Variants in PCBP3 observed in about 807,000 individuals in gnomAD.
PCBP3 encodes the protein poly(rC) binding protein 3.
PCBP3 carries 25 observed loss-of-function variants against 52.7 expected under a neutral mutation model. The ratio of observed to expected loss-of-function variants is 0.47; its 90% CI spans 0.35 to 0.66. The LOEUF (loss-of-function observed/expected upper bound fraction) is 0.66, where lower values mean the gene tolerates loss of function less well. PCBP3 is among the 30% of genes least tolerant of loss of function. The pLI is 0.01. For synonymous variants in PCBP3, 162 were observed against 183.0 expected (o/e 0.89, Z 0.93); for missense variants, 391 against 490.3 (o/e 0.80, Z 1.91).
chr21:45,832,016 A>T (rs2093462672), intron 4 of PCBP3, among the ~76,000 whole-genome samples: 1 of 152,162 alleles, frequency 6.6e-6, no homozygotes, highest in African/African-American at 2.4e-5. Context: ...CAGCCAAAGC[A>T]AGTAGATTAA....
At chr21:45,658,439 G>GA (rs2080165598) in intron 1 of PCBP3, among the ~76,000 whole-genome samples, 1 of 152,150 alleles carries the variant, frequency 6.6e-6, no homozygotes. Context: ...GAGTAGCTGG[G>GA]ATGACAGGTG....
chr21:45,655,882 A>T (rs900658277), intron 1 of PCBP3, among the ~76,000 whole-genome samples: 1 of 152,190 alleles, frequency 6.6e-6, no homozygotes, highest in Non-Finnish European at 1.5e-5. Flanking sequence ...GCCAACAGAC[A>T]CATGAAAAAA....
At chr21:45,913,383 T>C (rs2096440433) in intron 11 of PCBP3, among the ~76,000 whole-genome samples, 1 of 152,198 alleles carries the variant, frequency 6.6e-6, no homozygotes, top group Non-Finnish European at 1.5e-5. Flanking sequence ...AGCCAAGCGC[T>C]TTGGATATAG....
intron 2 of PCBP3, among the ~76,000 whole-genome samples, chr21:45,692,133 ATAAG>A (rs1242389434): frequency 2.0e-5 from 3 of 152,172 alleles, no homozygotes; most frequent in African/African-American, 7.2e-5. Flanking sequence ...GACTGAGGAG[ATAAG>A]GACCTGGAAG....
At chr21:45,699,979 C>A (rs1403522496) in intron 2 of PCBP3, among the ~76,000 whole-genome samples, 1 of 152,202 alleles carries the variant, frequency 6.6e-6, no homozygotes, top group Non-Finnish European at 1.5e-5. Context: ...CCAACAGTTC[C>A]CCAAAGTCTT....
At chr21:45,815,764 G>A (rs1332669510) in intron 4 of PCBP3, among the ~76,000 whole-genome samples, 2 of 88,630 alleles carry the variant, frequency 2.3e-5, no homozygotes, top group African/African-American at 1.0e-4. Context: ...TGAGTGATGA[G>A]TGAGTGGTGA....
intron 5 of PCBP3, among the ~76,000 whole-genome samples, chr21:45,882,091 T>G (rs2095418276): frequency 6.6e-6 from 1 of 152,188 alleles, no homozygotes; most frequent in Admixed American, 6.5e-5. Flanking sequence ...TATTTCTAGT[T>G]TTTTGAGGAA....
At chr21:45,707,266 G>A (rs559671666) in intron 2 of PCBP3, among the ~76,000 whole-genome samples, 1 of 152,000 alleles carries the variant, frequency 6.6e-6, no homozygotes, top group African/African-American at 2.4e-5. Context: ...CTGTAATCCC[G>A]GCACTTTGGG....
Position 45,802,262 on chromosome 21 carries a change from G to C in PCBP3, c.-126+46810G>C, listed in dbSNP as rs2092334428. On this transcript the variant is annotated intron_variant, in intron 4 of 17. Coordinates refer to ENST00000681687, the MANE Select transcript of PCBP3 (RefSeq NM_001384156.1). The surrounding 1 kb of genome is among the most constrained non-coding windows in gnomAD (Gnocchi z 5.1). ...GTGCAGAGGCTCACAGCTGGGTGCTGGGGCTGGGGGTGAGCTAGCTGTCCG... is the reference window on the plus strand; with the variant it reads ...GTGCAGAGGCTCACAGCTGGGTGCTCGGGCTGGGGGTGAGCTAGCTGTCCG... Among the ~76,000 whole-genome samples the C allele has an allele frequency of 6.6e-6, 1 of 152,204 alleles. No individual in the cohort carries two copies. Among genetic ancestry groups the C allele is most frequent in the Non-Finnish European group, 1.5e-5 (1 of 68,034 alleles).
intron 2 of PCBP3, among the ~76,000 whole-genome samples, chr21:45,726,132 C>T (rs750673877): frequency 6.6e-6 from 1 of 152,006 alleles, no homozygotes; most frequent in African/African-American, 2.4e-5. Flanking sequence ...AGGACTCAGA[C>T]CTGACTCCGA....
At chr21:45,765,047 C>T (rs1250479764) in intron 4 of PCBP3, among the ~76,000 whole-genome samples, 4 of 152,204 alleles carry the variant, frequency 2.6e-5, no homozygotes, top group South Asian at 2.1e-4. Flanking sequence ...GAGTACAGCC[C>T]ATAGAATGGA....
At chr21:45,748,213 C>G (rs2087085694) in intron 3 of PCBP3, 1 of 152,620 alleles carries the variant, frequency 6.6e-6, no homozygotes, top group South Asian at 2.1e-4. Context: ...AGTCTATCTA[C>G]TCTTGCTCGT....
In PCBP3 at chr21:45,741,301, C is replaced by G. The variant is rs1047256163; in HGVS notation, c.-162+5872C>G. 3.3e-5 allele frequency among the ~76,000 whole-genome samples: 5 copies of G among 152,084 alleles called. No homozygotes were observed. The highest frequency in any genetic ancestry group is 7.4e-5 in the Non-Finnish European group (5 of 68,024). On this transcript the variant is annotated intron_variant, in intron 3 of 17. Coordinates refer to ENST00000681687, the MANE Select transcript of PCBP3 (RefSeq NM_001384156.1). The surrounding 1 kb of genome is among the most constrained non-coding windows in gnomAD (Gnocchi z 4.5). ...ACACCAAAGAAAGCAGTGGGGAGGC[C>G]CTTATTCACTGTGAGAAGCAGAAAC...
intron 2 of PCBP3, among the ~76,000 whole-genome samples, chr21:45,673,892 T>C (rs2081315981): frequency 6.6e-6 from 1 of 152,180 alleles, no homozygotes; most frequent in Non-Finnish European, 1.5e-5. Flanking sequence ...TGCTCTTCTA[T>C]AGAGTTCTGA....
chr21:45,661,317 C>A (rs1424910898), intron 1 of PCBP3, among the ~76,000 whole-genome samples: 1 of 152,110 alleles, frequency 6.6e-6, no homozygotes, highest in East Asian at 1.9e-4. Flanking sequence ...ACCCTCCCAC[C>A]TTTCCAAATA....
intron 4 of PCBP3, among the ~76,000 whole-genome samples, chr21:45,806,310 G>A (rs1257200493): frequency 6.6e-6 from 1 of 152,166 alleles, no homozygotes; most frequent in Non-Finnish European, 1.5e-5. Flanking sequence ...GCTGCTGCCA[G>A]CTACCCCTCA....
chr21:45,930,913 T>C, intron 15 of PCBP3, 68 bp downstream of exon 15: 1 of 1,596,742 alleles, frequency 6.3e-7, no homozygotes, highest in Admixed American at 1.7e-5. Context: ...TGGGAGGAGG[T>C]GTGGGGGCCC....
At chr21:45,835,777 G>A (rs545444378) in intron 4 of PCBP3, among the ~76,000 whole-genome samples, 6 of 152,140 alleles carry the variant, frequency 3.9e-5, no homozygotes, top group Admixed American at 2.0e-4. Context: ...GCCAGCTTGG[G>A]CCAGGGACAG....
chr21:45,674,233 T>C (rs4818794), intron 2 of PCBP3, among the ~76,000 whole-genome samples: 103,876 of 152,150 alleles, frequency 0.68, 36,906 homozygotes, highest in African/African-American at 0.88. Context: ...GATGTTGTTA[T>C]TCTTTATGTA....
Sources: gnomAD v4.1 joint callset for allele counts (sites outside exome capture counted in the v4.1 genomes callset) on GRCh38, gnomAD v4.1.1 for gene constraint, Gnocchi (gnomAD v3.1) non-coding constraint, MANE v1.5 for transcripts, NCBI Gene and HGNC (gene_info 2026-07-23, HGNC 2026-07-21) for gene names.